Variants in VPS50 observed in about 807,000 individuals in gnomAD.
The protein encoded by VPS50 is VPS50 subunit of EARP/GARPII complex, also known as syndetin.
VPS50 carries 70 observed loss-of-function variants against 139.7 expected under a neutral mutation model. The observed-to-expected ratio is 0.50, with a 90% CI of 0.41 to 0.61. The LOEUF is 0.61. VPS50 is among the 20% of genes least tolerant of loss of function. The pLI is 0.00. For synonymous variants in VPS50, 365 were observed against 376.7 expected (o/e 0.97, Z 0.36); for missense variants, 921 against 1,133.7 (o/e 0.81, Z 2.69).
At chr7:93,252,038 TAGAA>T (rs1476151127) in intron 2 of VPS50, among the ~76,000 whole-genome samples, 1 of 152,214 alleles carries the variant, frequency 6.6e-6, no homozygotes, top group African/African-American at 2.4e-5. Flanking sequence ...TCTGTATCAT[TAGAA>T]AGAAAGCATT....
chr7:93,270,567 T>C (rs1795973634), intron 9 of VPS50, among the ~76,000 whole-genome samples: 1 of 151,948 alleles, frequency 6.6e-6, no homozygotes, highest in African/African-American at 2.4e-5. Context: ...GCAAGGATTC[T>C]GTGTGCTTTT....
chr7:93,291,226 A>G (rs545086810), intron 12 of VPS50, among the ~76,000 whole-genome samples: 15 of 152,250 alleles, frequency 9.9e-5, no homozygotes, highest in Middle Eastern at 3.4e-3. Context: ...TAGAATATCT[A>G]TTCCATACGA....
At position 93,358,310 on chromosome 7, in the gene VPS50, T is replaced by G. The variant is rs866375861; in HGVS notation, c.2776-7T>G. The G allele has an allele frequency of 6.2e-7, 1 of 1,612,490 alleles. No homozygotes were observed. The highest frequency in any genetic ancestry group is 1.1e-5 in the South Asian group (1 of 91,034). ...GTACTAAATTTGGATCTTTCTTCTT[T>G]GAGCAGGAATATTCAACGAAGCAGC... On this transcript the variant is annotated splice_region_variant and splice_polypyrimidine_tract_variant and intron_variant, in intron 27 of 27. Coordinates refer to ENST00000305866, the MANE Select transcript of VPS50 (RefSeq NM_017667.4).
intron 9 of VPS50, among the ~76,000 whole-genome samples, chr7:93,260,484 A>G (rs1402619327): frequency 6.6e-6 from 1 of 152,240 alleles, no homozygotes; most frequent in Non-Finnish European, 1.5e-5. Context: ...GATTGCTAGT[A>G]CCTGAAAACT....
chr7:93,330,397 G>A (rs1455156231), intron 21 of VPS50, among the ~76,000 whole-genome samples: 2 of 151,922 alleles, frequency 1.3e-5, no homozygotes, highest in Non-Finnish European at 2.9e-5. Flanking sequence ...ACTCTCAAAT[G>A]GCAGATTGTC....
chr7:93,308,728 C>G lies in VPS50; in HGVS notation c.1630-96C>G, dbSNP rs1359652727. On this transcript the variant is annotated intron_variant, in intron 18 of 27. Transcript: ENST00000305866. ...AAATTAAGAATTTTCTTGTATTTAG[C>G]TGTTTCTTATAAAACTGAGTACTTT... 1.5e-5 allele frequency: 8 copies of G among 528,990 alleles called. No individual in the cohort carries two copies. In the Middle Eastern group the frequency reaches 1.7e-3, roughly 112 times the overall value. 32.8% of individuals were successfully genotyped at this position (528,990 alleles called of 1,614,324 possible).
rs956505019 is a variant in VPS50 at position 93,360,719 on chromosome 7, T to G, written c.*2283T>G. On this transcript the variant is annotated 3_prime_UTR_variant, in exon 28 of 28. Coordinates refer to ENST00000305866, the MANE Select transcript of VPS50 (RefSeq NM_017667.4). ...TTTGACATTTTCCATGAAAGTTTCC[T>G]GTAGAATTTACCATGGGAGCATGGT... The G allele has an allele frequency of 6.6e-6, 1 of 152,098 alleles. No homozygotes were observed. Among genetic ancestry groups the G allele is most frequent in the Non-Finnish European group, 1.5e-5 (1 of 67,994 alleles). The allele number at this position is 152,098 out of a possible 1,614,324, so 9.4% of individuals were successfully genotyped here.
In VPS50 at chr7:93,344,301, C is replaced by T. The variant is rs561356211; in HGVS notation, c.2207+2726C>T. Among the ~76,000 whole-genome samples, 7 of 152,190 alleles carry T rather than the reference C, an allele frequency of 4.6e-5. No individual in the cohort carries two copies. The East Asian group carries it at 1.2e-3, about 25-fold the overall frequency. Reference sequence around the variant, plus strand: ...CTAACTATCCTAAATATATATGCACCCCAATACAGGAGCACCCAGATGCAT... The same window carrying T: ...CTAACTATCCTAAATATATATGCACTCCAATACAGGAGCACCCAGATGCAT... On this transcript the variant is annotated intron_variant, in intron 23 of 27. Coordinates refer to ENST00000305866, the MANE Select transcript of VPS50 (RefSeq NM_017667.4).
At chr7:93,234,988 T>G (rs1266849853) in intron 1 of VPS50, among the ~76,000 whole-genome samples, 5 of 151,314 alleles carry the variant, frequency 3.3e-5, no homozygotes, top group African/African-American at 9.7e-5. Context: ...TGATAAACAC[T>G]GTAGAGGAAA....
chr7:93,292,357 TG>T (rs1796672500), intron 13 of VPS50, among the ~76,000 whole-genome samples: 1 of 152,138 alleles, frequency 6.6e-6, no homozygotes, highest in Non-Finnish European at 1.5e-5. Flanking sequence ...TTTAAATGAC[TG>T]TGGTACAGTC....
chr7:93,269,198 A>G (rs984259125), intron 9 of VPS50, among the ~76,000 whole-genome samples: 6 of 152,058 alleles, frequency 3.9e-5, no homozygotes, highest in Non-Finnish European at 7.4e-5. Context: ...TTTTGGGGGA[A>G]TTATTTTGGG....
intron 21 of VPS50, among the ~76,000 whole-genome samples, chr7:93,325,194 G>A (rs534670369): frequency 2.0e-5 from 3 of 152,296 alleles, no homozygotes; most frequent in Admixed American, 2.0e-4. Context: ...AAGCAATGGG[G>A]AAAGGATTCC....
intron 6 of VPS50, 80 bp downstream of exon 6, chr7:93,257,544 A>AT (rs1795524861): frequency 1.3e-6 from 1 of 777,024 alleles, no homozygotes; most frequent in African/African-American, 1.8e-5. Context: ...TTTATAATTG[A>AT]TTTTTTAAAT....
chr7:93,292,260 A>G (rs563477904), intron 13 of VPS50, among the ~76,000 whole-genome samples: 1 of 152,216 alleles, frequency 6.6e-6, no homozygotes, highest in South Asian at 2.1e-4. Flanking sequence ...TTATATTGAT[A>G]CTTTCCTTCC....
intron 8 of VPS50, among the ~76,000 whole-genome samples, chr7:93,258,723 C>G (rs1795571380): frequency 6.6e-6 from 1 of 151,860 alleles, no homozygotes; most frequent in Non-Finnish European, 1.5e-5. Flanking sequence ...ATGTGTGATA[C>G]TTTAGTTTTG....
At chr7:93,292,983 A>G (rs1796694069) in intron 13 of VPS50, among the ~76,000 whole-genome samples, 1 of 152,124 alleles carries the variant, frequency 6.6e-6, no homozygotes. Flanking sequence ...CCTGGCTTCA[A>G]GTTTTCACTT....
At chr7:93,292,254 ATT>A (rs1041488257) in intron 13 of VPS50, among the ~76,000 whole-genome samples, 27 of 152,244 alleles carry the variant, frequency 1.8e-4, no homozygotes, top group African/African-American at 6.3e-4. Flanking sequence ...AATTAATTAT[ATT>A]GATACTTTCC....
At chr7:93,293,343 T>C (rs1352739694) in intron 13 of VPS50, among the ~76,000 whole-genome samples, 2 of 152,164 alleles carry the variant, frequency 1.3e-5, no homozygotes, top group African/African-American at 4.8e-5. Context: ...TAGGTGACAG[T>C]TATGTATATA....
chr7:93,277,784 A>G lies in VPS50; in HGVS notation c.942+1479A>G, dbSNP rs371205599. On this transcript the variant is annotated intron_variant, in intron 12 of 27. Coordinates refer to ENST00000305866, the MANE Select transcript of VPS50 (RefSeq NM_017667.4). Reference sequence around the variant, plus strand: ...TAAATGTTCAGTTTTAGGTATAGCTATCATTTGGTAAATATTAATAATTTT... The same window carrying G: ...TAAATGTTCAGTTTTAGGTATAGCTGTCATTTGGTAAATATTAATAATTTT... Among the ~76,000 whole-genome samples the G allele has an allele frequency of 6.0e-4, 91 of 152,282 alleles. 1 individual carries two copies. The South Asian group carries it at 0.017, about 28-fold the overall frequency.
Sources: allele counts gnomAD v4.1 joint callset (sites outside exome capture counted in the v4.1 genomes callset), GRCh38; gene constraint gnomAD v4.1.1; transcripts MANE v1.5; gene names NCBI Gene and HGNC (gene_info 2026-07-23, HGNC 2026-07-21).